Variants in RBFOX1 observed in about 807,000 individuals in gnomAD.
The protein encoded by RBFOX1 is RNA binding fox-1 homolog 1, also known as RNA binding protein fox-1 homolog 1.
In RBFOX1, 8 loss-of-function variants were observed where a neutral mutation model predicts 57.7. The ratio of observed to expected loss-of-function variants is 0.14; its 90% confidence interval spans 0.08 to 0.25. The LOEUF is 0.25. Among genes scored for constraint, RBFOX1 ranks in the 10% least tolerant of loss-of-function variants. The probability of loss-of-function intolerance (pLI) is 1.00; values close to 1 mark genes in which losing one functional copy is unlikely to be tolerated. For synonymous variants in RBFOX1, 326 were observed against 222.4 expected, an observed-to-expected ratio of 1.47 and a Z score of -4.15; for missense variants, 611 against 548.5, an observed-to-expected ratio of 1.11 and a Z score of -1.14.
intron 1 of RBFOX1, among the ~76,000 whole-genome samples, chr16:6,229,477 A>G (rs1420027): frequency 1.3e-5 from 2 of 152,132 alleles, no homozygotes; most frequent in African/African-American, 2.4e-5. Flanking sequence ...AAAGCCCACA[A>G]TGATGTTTGT....
chr16:6,375,542 C>G (rs779454676), intron 2 of RBFOX1, among the ~76,000 whole-genome samples: 3 of 151,880 alleles, frequency 2.0e-5, no homozygotes, highest in Non-Finnish European at 4.4e-5. Context: ...GTTTCTCTTT[C>G]GGCTCATTTG....
intron 1 of RBFOX1, among the ~76,000 whole-genome samples, chr16:6,166,573 G>C (rs1337215516): frequency 1.3e-5 from 2 of 152,098 alleles, no homozygotes. Flanking sequence ...GGTGACCTGA[G>C]ACTCCAAACC....
At chr16:6,958,604 A>T (rs1381797674) in intron 3 of RBFOX1, among the ~76,000 whole-genome samples, 1 of 152,226 alleles carries the variant, frequency 6.6e-6, no homozygotes, top group Non-Finnish European at 1.5e-5. Flanking sequence ...AACAATGGGA[A>T]CGCACGCTCA....
chr16:5,563,553 C>G (rs1200369206), intron 2 of RBFOX1, among the ~76,000 whole-genome samples: 2 of 152,150 alleles, frequency 1.3e-5, no homozygotes, highest in African/African-American at 4.8e-5. Flanking sequence ...AGTTAACGCA[C>G]CTTGGTCATC....
At chr16:5,417,554 C>G (rs1031400578) in intron 1 of RBFOX1, among the ~76,000 whole-genome samples, 4 of 152,020 alleles carry the variant, frequency 2.6e-5, no homozygotes, top group Admixed American at 6.5e-5. Context: ...ATTTCTTACC[C>G]CTGGCTTAAG....
rs575869363 is a variant in RBFOX1, at chr16:7,412,976, A to G, written c.28-105171A>G. Among the ~76,000 whole-genome samples, 114 of 152,348 alleles carry G rather than the reference A, an allele frequency of 7.5e-4. 1 individual carries two copies. In the East Asian group the frequency reaches 0.013, roughly 17 times the overall value. On this transcript the variant is annotated intron_variant, in intron 4 of 15. Transcript: ENST00000550418. ...AGAATGGCGTGAACCCGGGAGGCGG[A>G]GCTTGCAGTGAGCCAAGATCACGCC...
intron 11 of RBFOX1, among the ~76,000 whole-genome samples, chr16:7,638,635 T>C (rs983644690): frequency 2.0e-5 from 3 of 152,202 alleles, no homozygotes; most frequent in Non-Finnish European, 2.9e-5. Context: ...TGGATGTTAT[T>C]AATATTTTCA....
At chr16:5,363,293 C>A (rs936895269) in intron 1 of RBFOX1, among the ~76,000 whole-genome samples, 4 of 151,620 alleles carry the variant, frequency 2.6e-5, no homozygotes, top group Non-Finnish European at 4.4e-5. Context: ...GATCCACCTT[C>A]CTTGGTCTCC....
At chr16:6,684,555 T>C (rs1322792865) in intron 3 of RBFOX1, among the ~76,000 whole-genome samples, 1 of 152,174 alleles carries the variant, frequency 6.6e-6, no homozygotes, top group Non-Finnish European at 1.5e-5. Flanking sequence ...TATCAATTAC[T>C]TCTAGGGCTG....
At chr16:6,809,793 C>T (rs1023501326) in intron 3 of RBFOX1, among the ~76,000 whole-genome samples, 2 of 127,352 alleles carry the variant, frequency 1.6e-5, no homozygotes, top group South Asian at 3.1e-4. Context: ...AAAAACACTT[C>T]AGCTGCCAAA....
At chr16:5,588,860 G>T (rs1042134195) in intron 2 of RBFOX1, among the ~76,000 whole-genome samples, 2 of 152,204 alleles carry the variant, frequency 1.3e-5, no homozygotes, top group African/African-American at 4.8e-5. Context: ...GATTTTGCAG[G>T]TGGAGGTATT....
intron 1 of RBFOX1, among the ~76,000 whole-genome samples, chr16:6,293,753 C>T (rs1000915564): frequency 8.0e-6 from 1 of 125,374 alleles, no homozygotes; most frequent in Non-Finnish European, 1.8e-5. Context: ...AACTTTGAAG[C>T]ATGAATGTAA....
At chr16:6,517,467 C>G (rs2096402978) in intron 2 of RBFOX1, among the ~76,000 whole-genome samples, 1 of 152,176 alleles carries the variant, frequency 6.6e-6, no homozygotes, top group African/African-American at 2.4e-5. Context: ...ATTCCCATTT[C>G]TGATACCAGT....
intron 4 of RBFOX1, among the ~76,000 whole-genome samples, chr16:7,165,100 C>T (rs556809292): frequency 1.3e-5 from 2 of 152,132 alleles, no homozygotes; most frequent in African/African-American, 4.8e-5. Flanking sequence ...GCCAAGGATG[C>T]AATCCTGTCA....
chr16:7,554,865 G>A (rs2087823799), intron 5 of RBFOX1, among the ~76,000 whole-genome samples: 1 of 152,088 alleles, frequency 6.6e-6, no homozygotes. Flanking sequence ...AATAGAAGTT[G>A]AAAATACTTA....
intron 4 of RBFOX1, among the ~76,000 whole-genome samples, chr16:5,897,023 T>C (rs1367525434): frequency 5.6e-5 from 1 of 17,900 alleles, no homozygotes; most frequent in Admixed American, 6.9e-4. Context: ...CCGCTTTTTT[T>C]TTTTTTTTTT....
chr16:7,388,066 T>C (rs1313714248), intron 4 of RBFOX1, among the ~76,000 whole-genome samples: 2 of 152,026 alleles, frequency 1.3e-5, no homozygotes, highest in South Asian at 4.1e-4. Flanking sequence ...TTTAAAGGCA[T>C]CCAAAAAATT....
chr16:5,424,991 TTC>T (rs1491040667), intron 1 of RBFOX1, among the ~76,000 whole-genome samples: 52 of 57,640 alleles, frequency 9.0e-4, no homozygotes, highest in South Asian at 7.3e-3. Context: ...TTCTTTTCTT[TTC>T]TTTTCTTTTC....
intron 4 of RBFOX1, among the ~76,000 whole-genome samples, chr16:5,987,441 T>C (rs2060305541): frequency 6.6e-6 from 1 of 152,260 alleles, no homozygotes; most frequent in South Asian, 2.1e-4. Context: ...GCCTGAAAGC[T>C]CTTTGCCTAG....
Sources: allele counts gnomAD v4.1 joint callset (sites outside exome capture counted in the v4.1 genomes callset), GRCh38; gene constraint gnomAD v4.1.1; transcripts MANE v1.5; gene names NCBI Gene and HGNC (gene_info 2026-07-23, HGNC 2026-07-21).